The following TTC7B variants were observed in gnomAD, a reference collection of about 807,000 sequenced individuals.
The protein encoded by TTC7B is tetratricopeptide repeat protein 7B.
Under a neutral mutation model 106.8 loss-of-function variants are expected in TTC7B, and 28 were observed. That is an observed-to-expected ratio of 0.26 (90% CI 0.19 to 0.36). TTC7B has a LOEUF of 0.36. TTC7B is among the 10% of genes least tolerant of loss of function. TTC7B has a pLI of 1.00. For missense variants in TTC7B, 862 were observed against 1,076.4 expected, an observed-to-expected ratio of 0.80 and a Z score of 2.79; for synonymous variants, 405 against 430.6, an observed-to-expected ratio of 0.94 and a Z score of 0.74.
chr14:90,759,300 A>G lies in TTC7B; in HGVS notation c.446-14378T>C, dbSNP rs778165166. On this transcript the variant is annotated intron_variant, in intron 3 of 19. Coordinates refer to ENST00000328459, the MANE Select transcript of TTC7B (RefSeq NM_001010854.2). The surrounding 1 kb of genome is among the most constrained non-coding windows in gnomAD (Gnocchi z 4.1). ...AAGCATCACGAACATTTGGGAGAAG[A>G]AAATGAACACCAGACATGGTTTGGA... is the stretch of plus-strand genomic sequence containing the variant. Among the ~76,000 whole-genome samples the G allele has an allele frequency of 1.3e-5, 2 of 152,188 alleles. No individual in the cohort carries two copies. Among genetic ancestry groups the G allele is most frequent in the Non-Finnish European group, 2.9e-5 (2 of 68,036 alleles).
At position 90,524,595 on chromosome 14, in the gene TTC7B, A is replaced by G. The variant is rs1889103261; in HGVS notation, c.*16773T>C. 1 of 152,256 alleles carries G rather than the reference A, an allele frequency of 6.6e-6. No homozygotes were observed. Among genetic ancestry groups the G allele is most frequent in the African/African-American group, 2.4e-5 (1 of 41,468 alleles). The allele number at this position is 152,256 out of a possible 1,614,324, so 9.4% of individuals were successfully genotyped here. A position where few individuals can be genotyped will look rare whatever the true frequency, so the allele number is the denominator to read the frequency against. On this transcript the variant is annotated 3_prime_UTR_variant, in exon 20 of 20. Transcript: ENST00000328459. The stretch of plus-strand genomic sequence containing the variant: ...CATGCATTTTTTTATTCAGGAAGAA[A>G]AAAGAAAGGGACCTCCCCACTCTTC...
chr14:90,801,327 G>A (rs573996936), intron 1 of TTC7B, among the ~76,000 whole-genome samples: 4 of 151,662 alleles, frequency 2.6e-5, no homozygotes, highest in African/African-American at 9.7e-5. Context: ...CGGAAGGAAC[G>A]CGAAACCACT....
chr14:90,717,285 G>A (rs1216437397), intron 5 of TTC7B, among the ~76,000 whole-genome samples: 2 of 151,522 alleles, frequency 1.3e-5, no homozygotes, highest in East Asian at 3.9e-4. Flanking sequence ...CTTGCAGTGA[G>A]CTGAGATCGC....
At chr14:90,703,933 G>T (rs1888101827) in intron 5 of TTC7B, among the ~76,000 whole-genome samples, 1 of 152,188 alleles carries the variant, frequency 6.6e-6, no homozygotes, top group African/African-American at 2.4e-5. Flanking sequence ...AGACAAAAAG[G>T]GCAAAGGTTG....
intron 17 of TTC7B, chr14:90,603,229 T>A: frequency 2.3e-6 from 3 of 1,281,452 alleles, no homozygotes; most frequent in Non-Finnish European, 3.1e-6. Context: ...CTCGGAAGGA[T>A]TAATAGATTG....
In TTC7B at chr14:90,663,719, C is replaced by T. The variant is rs1447875157; in HGVS notation, c.1153-5332G>A. 6.6e-6 allele frequency among the ~76,000 whole-genome samples: 1 copy of T among 152,206 alleles called. No homozygotes were observed. Among genetic ancestry groups the T allele is most frequent in the Non-Finnish European group, 1.5e-5 (1 of 68,050 alleles). On this transcript the variant is annotated intron_variant, in intron 9 of 19. Coordinates refer to ENST00000328459, the MANE Select transcript of TTC7B (RefSeq NM_001010854.2). This position sits in a 1 kb window ranked among gnomAD's most constrained non-coding sequence, Gnocchi z 4.5. ...AATGATAACAACCCACCTCCCCTAA[C>T]AAGCCATGAGGGTGTCCTAAAGAGA...
At chr14:90,776,572 A>G (rs1181627904) in intron 3 of TTC7B, among the ~76,000 whole-genome samples, 1 of 152,190 alleles carries the variant, frequency 6.6e-6, no homozygotes, top group Non-Finnish European at 1.5e-5. Context: ...GGAAGGACAG[A>G]ACTTACAGGA....
chr14:90,594,965 C>T (rs1286468), intron 17 of TTC7B, among the ~76,000 whole-genome samples: 27,515 of 152,132 alleles, frequency 0.18, 2,494 homozygotes, highest in African/African-American at 0.22. Context: ...CCCACAAGGA[C>T]GACCAAGAGG....
intron 15 of TTC7B, among the ~76,000 whole-genome samples, chr14:90,628,810 T>C (rs189586464): frequency 6.6e-6 from 1 of 152,352 alleles, no homozygotes; most frequent in African/African-American, 2.4e-5. Context: ...TCATTTCCTG[T>C]GTGTTTCCAT....
intron 19 of TTC7B, among the ~76,000 whole-genome samples, chr14:90,574,408 T>C (rs1253282398): frequency 6.6e-6 from 1 of 152,204 alleles, no homozygotes; most frequent in Non-Finnish European, 1.5e-5. Flanking sequence ...TCCTCAGCAA[T>C]CTCTGCCTCC....
In TTC7B at chr14:90,701,881, C is replaced by T. The variant is rs141212573; in HGVS notation, c.699-6303G>A. 3.1e-3 allele frequency among the ~76,000 whole-genome samples: 474 copies of T among 151,278 alleles called. 2 individuals are homozygous for T. Among genetic ancestry groups the T allele is most frequent in the African/African-American group, 0.011 (450 of 41,154 alleles). ...GCACTAAGAAGTGAGGCACAGTGAA[C>T]GCAATGGTAAGCCAGTCAGCAGACG... On this transcript the variant is annotated intron_variant, in intron 5 of 19. Coordinates refer to ENST00000328459, the MANE Select transcript of TTC7B (RefSeq NM_001010854.2).
At chr14:90,596,882 G>T (rs1278791243) in intron 17 of TTC7B, among the ~76,000 whole-genome samples, 2 of 152,184 alleles carry the variant, frequency 1.3e-5, no homozygotes, top group Non-Finnish European at 2.9e-5. Context: ...CTGAAATTCA[G>T]AAGAGGGCGG....
chr14:90,772,864 G>C (rs1387072536), intron 3 of TTC7B: 2 of 152,194 alleles, frequency 1.3e-5, no homozygotes, highest in Non-Finnish European at 2.9e-5. Flanking sequence ...TCCCAGCTGA[G>C]GTGGGAAGAT....
At chr14:90,736,150 C>CTATATATATATATATATA (rs36062485) in intron 4 of TTC7B, among the ~76,000 whole-genome samples, 1 of 146,618 alleles carries the variant, frequency 6.8e-6, no homozygotes, top group African/African-American at 2.5e-5. Flanking sequence ...TAATTTAGAG[C>CTATATATATATATATATA]TATATATATA....
At chr14:90,677,290 A>C (rs912282480) in intron 8 of TTC7B, among the ~76,000 whole-genome samples, 8 of 152,250 alleles carry the variant, frequency 5.3e-5, no homozygotes, top group Non-Finnish European at 1.2e-4. Flanking sequence ...AAGAAAGCAG[A>C]TTTTTACTTT....
In TTC7B at chr14:90,704,944, G is replaced by T. The variant is rs79528075; in HGVS notation, c.699-9366C>A. ...TTACCTTGGCTCTATCTACAGAAAA[G>T]AAAAAGCTTTGCTAAGCACATCAGC... On this transcript the variant is annotated intron_variant, in intron 5 of 19. Transcript: ENST00000328459. Among the ~76,000 whole-genome samples, 1,427 of 152,266 alleles carry T rather than the reference G, an allele frequency of 9.4e-3. 12 individuals carry two copies. Among genetic ancestry groups the T allele is most frequent in the Non-Finnish European group, 0.015 (1,019 of 68,004 alleles).
chr14:90,557,799 C>G (rs1890387159), intron 19 of TTC7B, among the ~76,000 whole-genome samples: 1 of 152,252 alleles, frequency 6.6e-6, no homozygotes, highest in Admixed American at 6.5e-5. Flanking sequence ...CCCTGACTCT[C>G]TAAAGGCAGG....
intron 1 of TTC7B, among the ~76,000 whole-genome samples, chr14:90,814,985 C>T (rs1345265921): frequency 6.6e-6 from 1 of 152,202 alleles, no homozygotes; most frequent in East Asian, 1.9e-4. Flanking sequence ...GGCACTAATA[C>T]CATAGGACAC....
intron 9 of TTC7B, among the ~76,000 whole-genome samples, chr14:90,674,654 T>G (rs1886756297): frequency 2.0e-5 from 3 of 152,256 alleles, no homozygotes; most frequent in Admixed American, 2.0e-4. Context: ...GAGGTGATAG[T>G]ACATACATGT....
Sources: allele counts gnomAD v4.1 joint callset (sites outside exome capture counted in the v4.1 genomes callset), GRCh38; gene constraint gnomAD v4.1.1; non-coding constraint Gnocchi (gnomAD v3.1); transcripts MANE v1.5; gene names NCBI Gene and HGNC (gene_info 2026-07-23, HGNC 2026-07-21).